Variants in BICC1 observed in about 807,000 individuals in gnomAD.
The protein encoded by BICC1 is BicC family RNA binding protein 1.
Under a neutral mutation model 111.0 loss-of-function variants are expected in BICC1, and 43 were observed. The ratio of observed to expected loss-of-function variants is 0.39; its 90% CI spans 0.30 to 0.50. The LOEUF is 0.50. BICC1 is among the 20% of genes least tolerant of loss of function. The pLI, the probability that BICC1 is intolerant of heterozygous loss-of-function variation, is 0.88. For synonymous variants in BICC1, 467 were observed against 434.4 expected, an observed-to-expected ratio of 1.07 and a Z score of -0.93; for missense variants, 1,091 against 1,203.2, an observed-to-expected ratio of 0.91 and a Z score of 1.38.
chr10:58,640,392 T>G (rs1365697652), intron 2 of BICC1, among the ~76,000 whole-genome samples: 1 of 152,218 alleles, frequency 6.6e-6, no homozygotes, highest in Admixed American at 6.5e-5. Context: ...TAACTAATCC[T>G]TATCCATACT....
intron 1 of BICC1, among the ~76,000 whole-genome samples, chr10:58,521,860 G>A (rs1210604175): frequency 6.8e-6 from 1 of 146,674 alleles, no homozygotes; most frequent in Non-Finnish European, 1.5e-5. Context: ...AGGTTTGAGA[G>A]TGGTGTTGGC....
chr10:58,547,857 C>A (rs886462064), intron 1 of BICC1, among the ~76,000 whole-genome samples: 1 of 152,050 alleles, frequency 6.6e-6, no homozygotes, highest in Non-Finnish European at 1.5e-5. Flanking sequence ...TAATTTCTGG[C>A]ACTACAAGAT....
intron 3 of BICC1, among the ~76,000 whole-genome samples, chr10:58,753,706 A>T (rs535059500): frequency 6.6e-6 from 1 of 151,816 alleles, no homozygotes; most frequent in Non-Finnish European, 1.5e-5. Flanking sequence ...ACACACACAC[A>T]GTCTCTTTTC....
intron 2 of BICC1, among the ~76,000 whole-genome samples, chr10:58,643,968 G>A (rs1838194144): frequency 6.6e-6 from 1 of 152,074 alleles, no homozygotes; most frequent in Non-Finnish European, 1.5e-5. Flanking sequence ...TGTCAGTATA[G>A]GAAATAATAT....
At chr10:58,597,062 A>G (rs1210627941) in intron 1 of BICC1, among the ~76,000 whole-genome samples, 1 of 152,112 alleles carries the variant, frequency 6.6e-6, no homozygotes, top group Admixed American at 6.6e-5. Flanking sequence ...ACATAAAACT[A>G]TTGGGGGAAC....
chr10:58,580,670 T>G (rs1331408282), intron 1 of BICC1, among the ~76,000 whole-genome samples: 1 of 152,188 alleles, frequency 6.6e-6, no homozygotes, highest in African/African-American at 2.4e-5. Context: ...ACTTCATGCT[T>G]GTTGATTAAT....
chr10:58,589,073 G>A (rs984049776), intron 1 of BICC1, among the ~76,000 whole-genome samples: 1 of 152,180 alleles, frequency 6.6e-6, no homozygotes, highest in Non-Finnish European at 1.5e-5. Context: ...GCCCTCTACC[G>A]GTGACACCGG....
At chr10:58,655,360 G>T (rs1838603140) in intron 2 of BICC1, among the ~76,000 whole-genome samples, 1 of 131,760 alleles carries the variant, frequency 7.6e-6, no homozygotes. Context: ...TTATTTCATT[G>T]AGCAGTGGTT....
At chr10:58,732,351 GTA>G (rs1841328552) in intron 3 of BICC1, among the ~76,000 whole-genome samples, 1 of 21,376 alleles carries the variant, frequency 4.7e-5, no homozygotes, top group Non-Finnish European at 9.0e-5. Context: ...GAAGAGGAGT[GTA>G]TGTGTGTGTG....
intron 2 of BICC1, among the ~76,000 whole-genome samples, chr10:58,699,177 G>A (rs1203217016): frequency 1.3e-5 from 2 of 152,224 alleles, no homozygotes. Context: ...GAGGTCGTGT[G>A]GTACAGTATA....
chr10:58,714,805 A>G (rs1415513623), intron 3 of BICC1, among the ~76,000 whole-genome samples: 1 of 149,710 alleles, frequency 6.7e-6, no homozygotes, highest in Non-Finnish European at 1.5e-5. Context: ...CAATTAAATT[A>G]TTTTCATGAA....
At chr10:58,780,561 T>TG (rs1466582519) in intron 3 of BICC1, among the ~76,000 whole-genome samples, 1 of 152,118 alleles carries the variant, frequency 6.6e-6, no homozygotes, top group African/African-American at 2.4e-5. Flanking sequence ...GCATAATAAA[T>TG]GCAAATGGCT....
At chr10:58,798,707 AT>A (rs1382037587) in intron 11 of BICC1, 147 bp downstream of exon 11, 3 of 744,034 alleles carry the variant, frequency 4.0e-6, no homozygotes, top group Non-Finnish European at 6.1e-6. Context: ...TGATATGTAA[AT>A]TAGTTAAAAT....
At chr10:58,604,652 G>A (rs1439406648) in intron 1 of BICC1, among the ~76,000 whole-genome samples, 2 of 152,078 alleles carry the variant, frequency 1.3e-5, no homozygotes, top group Non-Finnish European at 2.9e-5. Flanking sequence ...CAGAGCGGGG[G>A]AAAAAATAAA....
chr10:58,747,585 C>G (rs1182727887), intron 3 of BICC1, among the ~76,000 whole-genome samples: 1 of 152,010 alleles, frequency 6.6e-6, no homozygotes, highest in Non-Finnish European at 1.5e-5. Context: ...ATGTCTATCA[C>G]TTCATTTACC....
rs553497949 is a variant in BICC1, at chr10:58,610,685, ATTTGATGTGACC to A, written c.191-10166_191-10155del. ...AAATTTCTGTTTTATTTCGTGTTTCATTTGATGTGACCTTTCATTGAAAGTGGGTTTTGTTTT... is the reference window on the plus strand; with the variant it reads ...AAATTTCTGTTTTATTTCGTGTTTCATTTCATTGAAAGTGGGTTTTGTTTT... On this transcript the variant is annotated intron_variant, in intron 1 of 20. Transcript: ENST00000373886. Among the ~76,000 whole-genome samples the A allele has an allele frequency of 3.7e-4, 55 of 150,386 alleles. No individual in the cohort carries two copies. In the Middle Eastern group the frequency reaches 0.014, roughly 39 times the overall value.
At chr10:58,532,754 A>C (rs1040247891) in intron 1 of BICC1, among the ~76,000 whole-genome samples, 3 of 151,868 alleles carry the variant, frequency 2.0e-5, no homozygotes, top group Non-Finnish European at 4.4e-5. Context: ...AGTTGAACAA[A>C]TTTTCCACTC....
At chr10:58,789,634 TGA>T (rs1843115579) in intron 7 of BICC1, 46 bp from the exon 8 acceptor site, 10 of 1,602,202 alleles carry the variant, frequency 6.2e-6, no homozygotes, top group Non-Finnish European at 8.5e-6. Context: ...TCCCCGTATA[TGA>T]ACAGTTAATG....
chr10:58,784,132 A>G (rs1293958651), intron 3 of BICC1, among the ~76,000 whole-genome samples: 1 of 151,874 alleles, frequency 6.6e-6, no homozygotes, highest in Non-Finnish European at 1.5e-5. Context: ...TTCTTTTTTC[A>G]TAACATGTAT....
Sources: gnomAD v4.1 joint callset for allele counts (sites outside exome capture counted in the v4.1 genomes callset) on GRCh38, gnomAD v4.1.1 for gene constraint, MANE v1.5 for transcripts, NCBI Gene and HGNC (gene_info 2026-07-23, HGNC 2026-07-21) for gene names.